The following PGM2L1 variants were observed in gnomAD, a reference collection of about 807,000 sequenced individuals.
PGM2L1 encodes the protein glucose 1,6-bisphosphate synthase.
PGM2L1 carries 35 observed loss-of-function variants against 73.4 expected under a neutral mutation model. The ratio of observed to expected loss-of-function variants is 0.48; its 90% CI spans 0.36 to 0.63. The LOEUF (loss-of-function observed/expected upper bound fraction) is 0.63. Ranked by LOEUF, PGM2L1 falls within the 30% of genes least tolerant of loss-of-function variation. PGM2L1 has a pLI of 0.00. For missense variants in PGM2L1, 570 were observed against 742.0 expected (o/e 0.77, Z 2.69); for synonymous variants, 225 against 253.8 (o/e 0.89, Z 1.08).
At chr11:74,384,851 G>A (rs1026991680) in intron 1 of PGM2L1, among the ~76,000 whole-genome samples, 6 of 152,170 alleles carry the variant, frequency 3.9e-5, no homozygotes, top group Non-Finnish European at 7.3e-5. Flanking sequence ...CTAACCTAAA[G>A]TAAGAGTGTT....
chr11:74,368,290 G>A (rs1375486750), intron 5 of PGM2L1, among the ~76,000 whole-genome samples: 1 of 152,178 alleles, frequency 6.6e-6, no homozygotes, highest in Non-Finnish European at 1.5e-5. Context: ...AACTAAAGAA[G>A]ACATTTTTGT....
chr11:74,355,548 C>T (rs1862431636), intron 5 of PGM2L1: 5 of 152,658 alleles, frequency 3.3e-5, no homozygotes, highest in South Asian at 1.3e-4. Context: ...AGCGAGACTC[C>T]GTCTCAAAAA....
intron 8 of PGM2L1, among the ~76,000 whole-genome samples, chr11:74,346,121 A>G (rs1193845786): frequency 2.0e-5 from 3 of 151,822 alleles, no homozygotes; most frequent in Admixed American, 2.0e-4. Context: ...AAAATTAGCC[A>G]GGCATGGTGG....
At chr11:74,341,695 GAAAAAAAAA>G (rs11336177) in intron 12 of PGM2L1, among the ~76,000 whole-genome samples, 5 of 94,098 alleles carry the variant, frequency 5.3e-5, no homozygotes, top group African/African-American at 8.6e-5. Flanking sequence ...CTGTCTCAAG[GAAAAAAAAA>G]AAAAAAAAAA....
At chr11:74,376,180 T>C (rs1037156821) in intron 1 of PGM2L1, among the ~76,000 whole-genome samples, 1 of 152,208 alleles carries the variant, frequency 6.6e-6, no homozygotes, top group Admixed American at 6.5e-5. Flanking sequence ...TATAAGAATG[T>C]TCACTGCAGC....
chr11:74,378,943 A>G (rs1393059062), intron 1 of PGM2L1, among the ~76,000 whole-genome samples: 1 of 152,224 alleles, frequency 6.6e-6, no homozygotes, highest in Non-Finnish European at 1.5e-5. Flanking sequence ...TATTCTGTTC[A>G]TAACTAGGGA....
At chr11:74,380,952 C>T (rs1862933882) in intron 1 of PGM2L1, among the ~76,000 whole-genome samples, 3 of 152,102 alleles carry the variant, frequency 2.0e-5, no homozygotes. Context: ...AAGGTTTGGC[C>T]CTGATCTTGA....
rs1195691448 is a variant in PGM2L1 at position 74,398,263 on chromosome 11, A to C, written c.-102T>G. On this transcript the variant is annotated 5_prime_UTR_variant, in exon 1 of 14. Coordinates refer to ENST00000298198, the MANE Select transcript of PGM2L1 (RefSeq NM_173582.6). ...ACCAGGGTCCAGGCGTCCCCACCTC[A>C]CTGAAGGGCATCGGAGACCAACCGC... 1.4e-6 allele frequency: 2 copies of C among 1,428,080 alleles called. No individual in the cohort carries two copies. Among genetic ancestry groups the C allele is most frequent in the Non-Finnish European group, 1.8e-6 (2 of 1,086,630 alleles). 88.5% of individuals were successfully genotyped at this position (1,428,080 alleles called of 1,614,324 possible).
chr11:74,343,808 T>A (rs1862221689), intron 9 of PGM2L1, among the ~76,000 whole-genome samples: 2 of 125,388 alleles, frequency 1.6e-5, no homozygotes, highest in Non-Finnish European at 3.2e-5. Context: ...AGACGGAGTC[T>A]CGCTCTGTCA....
At chr11:74,371,026 T>C in intron 3 of PGM2L1, 40 bp from the exon 4 acceptor site, 1 of 1,548,982 alleles carries the variant, frequency 6.5e-7, no homozygotes, top group East Asian at 2.3e-5. Context: ...TTGCCTACCA[T>C]ACTTTTTAAA....
chr11:74,357,790 G>A (rs1190623223), intron 5 of PGM2L1, among the ~76,000 whole-genome samples: 2 of 152,168 alleles, frequency 1.3e-5, no homozygotes, highest in African/African-American at 4.8e-5. Context: ...TTCTTCAGTA[G>A]GTGAATGGAG....
chr11:74,335,320 CCATA>C lies in PGM2L1; in HGVS notation c.*1328_*1331del, dbSNP rs1335901521. 3 of 151,752 alleles carry C rather than the reference CCATA, an allele frequency of 2.0e-5. No individual in the cohort carries two copies. Among genetic ancestry groups the C allele is most frequent in the African/African-American group, 7.3e-5 (3 of 41,336 alleles). 9.4% of individuals were successfully genotyped at this position (151,752 alleles called of 1,614,324 possible). A position where few individuals can be genotyped will look rare whatever the true frequency, so the allele number is the denominator to read the frequency against. ...TATTTTTAGTAGAGACAGGGTTTCACCATATTGGCCAGGCTAGTCTCAAACTCCT... is the reference window on the plus strand; with the variant it reads ...TATTTTTAGTAGAGACAGGGTTTCACTTGGCCAGGCTAGTCTCAAACTCCT... On this transcript the variant is annotated 3_prime_UTR_variant, in exon 14 of 14. Coordinates refer to ENST00000298198, the MANE Select transcript of PGM2L1 (RefSeq NM_173582.6).
At chr11:74,385,265 T>C (rs1366240750) in intron 1 of PGM2L1, among the ~76,000 whole-genome samples, 1 of 152,212 alleles carries the variant, frequency 6.6e-6, no homozygotes, top group African/African-American at 2.4e-5. Context: ...TTAACTTACA[T>C]GTACTCCACT....
intron 12 of PGM2L1, among the ~76,000 whole-genome samples, chr11:74,339,881 T>A (rs1025216018): frequency 6.6e-6 from 1 of 152,210 alleles, no homozygotes; most frequent in Non-Finnish European, 1.5e-5. Context: ...CTCCTAATCA[T>A]ACTTGGGAAC....
chr11:74,370,103 A>G (rs867462856), intron 4 of PGM2L1, among the ~76,000 whole-genome samples: 31 of 152,328 alleles, frequency 2.0e-4, no homozygotes, highest in Admixed American at 1.3e-3. Flanking sequence ...ATGTTTCTTA[A>G]CGTTTTAAAT....
intron 9 of PGM2L1, 132 bp downstream of exon 9, chr11:74,345,337 C>A: frequency 1.1e-6 from 1 of 892,134 alleles, no homozygotes; most frequent in Non-Finnish European, 1.7e-6. Context: ...AGAGACTGAA[C>A]AAGTGTTAAC....
chr11:74,368,511 T>C lies in PGM2L1; in HGVS notation c.536A>G (p.Lys179Arg), dbSNP rs1187286936. 13 of 1,613,272 alleles carry C rather than the reference T, an allele frequency of 8.1e-6. No individual in the cohort carries two copies. The highest frequency in any genetic ancestry group is 1.7e-5 in the Admixed American group (1 of 59,960). ...GVMITASHNRKEDNGYKVYWE... is the reference protein window; with the variant it reads ...GVMITASHNRREDNGYKVYWE... Reference sequence around the variant, plus strand: ...GTTTACCTTGTATCCATTGTCTTCCTTGCGGTTGTGAGAGGCAGTAATCAT... The same window carrying C: ...GTTTACCTTGTATCCATTGTCTTCCCTGCGGTTGTGAGAGGCAGTAATCAT... Residue 179 changes from lysine (K) to arginine (R), a missense_variant, in exon 5 of 14, where the codon AAG becomes AGG. Transcript: ENST00000298198.
chr11:74,345,392 C>A, intron 9 of PGM2L1, 77 bp downstream of exon 9: 1 of 1,205,678 alleles, frequency 8.3e-7, no homozygotes. Flanking sequence ...CAATGAAAGT[C>A]AGTCTTGGTG....
intron 1 of PGM2L1, among the ~76,000 whole-genome samples, chr11:74,394,789 C>T (rs1423836407): frequency 2.6e-5 from 4 of 152,032 alleles, no homozygotes; most frequent in Non-Finnish European, 5.9e-5. Flanking sequence ...ATACACCAAC[C>T]GAGACTAAGA....
Sources: gnomAD v4.1 joint callset for allele counts (sites outside exome capture counted in the v4.1 genomes callset) on GRCh38, gnomAD v4.1.1 for gene constraint, MANE v1.5 for transcripts, NCBI Gene and HGNC (gene_info 2026-07-23, HGNC 2026-07-21) for gene names.